The following POLG variants were observed in gnomAD, a reference collection of about 807,000 sequenced individuals.
The protein encoded by POLG is DNA polymerase subunit gamma-1.
In POLG, 110 loss-of-function variants were observed where a neutral mutation model predicts 155.4. The ratio of observed to expected loss-of-function variants is 0.71; its 90% CI spans 0.61 to 0.83. The LOEUF is 0.83. Ranked by LOEUF, POLG falls within the 40% of genes least tolerant of loss-of-function variation. The pLI is 0.00. For synonymous variants in POLG, 701 were observed against 631.5 expected (o/e 1.11, Z -1.65); for missense variants, 1,685 against 1,627.5 (o/e 1.04, Z -0.61).
chr15:89,320,938 T>C lies in POLG; in HGVS notation c.2809A>G (p.Thr937Ala). The C allele has an allele frequency of 1.9e-6, 3 of 1,613,790 alleles. No individual in the cohort carries two copies. The highest frequency in any genetic ancestry group is 2.5e-6 in the Non-Finnish European group (3 of 1,179,832). ...TGCTCACGGCTGATGCCCACAGTAG[T>C]GGCTGTCTTACTGTGTAGATCAGTG... is the stretch of plus-strand genomic sequence containing the variant. ...RGTDLHSKTA[T>A]TVGISREHAK... Residue 937 changes from threonine to alanine, a missense_variant, in exon 18 of 23, where the codon ACT becomes GCT. Physicochemically the swap from Thr to Ala is moderately conservative, Grantham distance 58. Coordinates refer to ENST00000268124, the MANE Select transcript of POLG (RefSeq NM_002693.3).
In POLG at chr15:89,320,889, C is replaced by T. The variant is rs1567186581; in HGVS notation, c.2858G>A (p.Arg953His). 3.1e-6 allele frequency: 5 copies of T among 1,613,918 alleles called. No individual in the cohort carries two copies. In the African/African-American group the frequency reaches 4.0e-5, roughly 13 times the overall value. ...AAAGGGCTGCCCAGCACCATAGATG[C>T]GGCCGTAGTTGAAGATTTTGGCATG... ...REHAKIFNYGRIYGAGQPFAE... is the reference protein window; with the variant it reads ...REHAKIFNYGHIYGAGQPFAE... The change falls in exon 18 of 23, where the codon CGC becomes CAC. Residue 953 changes from arginine to histidine, a missense_variant. This residue lies in a region of POLG where 470 missense variants were observed against 439.9 expected (regional missense o/e 1.07). Transcript: ENST00000268124.
Position 89,328,445 on chromosome 15 carries a change from C to T in POLG, c.1250+11G>A. 6.2e-7 allele frequency: 1 copy of T among 1,609,564 alleles called. No individual in the cohort carries two copies. Among genetic ancestry groups the T allele is most frequent in the East Asian group, 2.2e-5 (1 of 44,828 alleles). On this transcript the variant is annotated intron_variant, in intron 6 of 22. Transcript: ENST00000268124. ...TGACCCCCAGAGATTCCCACATGGGCTCCCCCTCACCTCTCCAAGAAGAGC... is the reference window on the plus strand; with the variant it reads ...TGACCCCCAGAGATTCCCACATGGGTTCCCCCTCACCTCTCCAAGAAGAGC...
At chr15:89,325,987 G>A (rs1596357322) in intron 9 of POLG, among the ~76,000 whole-genome samples, 1 of 152,126 alleles carries the variant, frequency 6.6e-6, no homozygotes, top group South Asian at 2.1e-4. Context: ...TTTCATCCAG[G>A]GTAACTGACC....
In POLG at chr15:89,325,298, G is replaced by A. The variant is rs2055498152; in HGVS notation, c.1949+152C>T. The stretch of plus-strand genomic sequence containing the variant: ...AGAGAGAGAGAAAGAGAGAGAGAGA[G>A]GGTGTGTGTGTGTGTGTTAATTTTT... On this transcript the variant is annotated intron_variant, in intron 10 of 22. Transcript: ENST00000268124. 1.4e-5 allele frequency: 8 copies of A among 560,210 alleles called. No homozygotes were observed. In the East Asian group the frequency reaches 2.2e-4, roughly 15 times the overall value. 34.7% of individuals were successfully genotyped at this position (560,210 alleles called of 1,614,324 possible).
In POLG at chr15:89,323,430, A is replaced by G; in HGVS notation, c.2239T>C (p.Cys747Arg). The G allele has an allele frequency of 2.5e-6, 4 of 1,613,288 alleles. No individual in the cohort carries two copies. Among genetic ancestry groups the G allele is most frequent in the Non-Finnish European group, 3.4e-6 (4 of 1,179,192 alleles). ...GPYNDVDIPG[C>R]WFFKLPHKDG... Reference sequence around the variant, plus strand: ...TTGTGAGGCAGCTTGAAAAACCAGCAGCCAGGGATGTCCACGTCGTTGTAA... The same window carrying G: ...TTGTGAGGCAGCTTGAAAAACCAGCGGCCAGGGATGTCCACGTCGTTGTAA... The change falls in exon 13 of 23, where the codon TGC becomes CGC. Residue 747 changes from cysteine (C) to arginine (R), a missense_variant. By Grantham distance (180) the Cys-to-Arg change is radical. Transcript: ENST00000268124.
In POLG at chr15:89,326,736, G is replaced by A. The variant is rs1024469208; in HGVS notation, c.1588C>T (p.Leu530Phe). The change falls in exon 9 of 23, where the codon CTC becomes TTC. Residue 530 changes from leucine to phenylalanine, a missense_variant and splice_region_variant. By Grantham distance (22) the Leu-to-Phe change is conservative. This residue lies in a region of POLG where 1,210 missense variants were observed against 1,167.1 expected (regional missense o/e 1.04). Transcript: ENST00000268124. Reference sequence around the variant, plus strand: ...TCCTCCTCCTCACTGCAGGGGCCGAGGTCTGTGAGGGTGGGGGAAGACAAT... The same window carrying A: ...TCCTCCTCCTCACTGCAGGGGCCGAAGTCTGTGAGGGTGGGGGAAGACAAT... ...APGDPMDQED[L>F]GPCSEEEEFQ... The A allele has an allele frequency of 1.9e-6, 3 of 1,614,008 alleles. No homozygotes were observed. Among genetic ancestry groups the A allele is most frequent in the African/African-American group, 1.3e-5 (1 of 74,934 alleles).
chr15:89,325,715 C>CA, intron 9 of POLG, 29 bp from the exon 10 acceptor site: 1 of 1,523,186 alleles, frequency 6.6e-7, no homozygotes, highest in Admixed American at 1.7e-5. Context: ...ACAGCAGTGT[C>CA]ACGATGGTAA....
chr15:89,317,682 G>A, intron 21 of POLG, 146 bp from the exon 22 acceptor site: 1 of 788,210 alleles, frequency 1.3e-6, no homozygotes, highest in Admixed American at 1.9e-5. Flanking sequence ...CAAGAAAGGT[G>A]AAGGTCCAGC....
chr15:89,319,176 T>TG, intron 19 of POLG, 52 bp downstream of exon 19: 1 of 1,614,210 alleles, frequency 6.2e-7, no homozygotes, highest in East Asian at 2.2e-5. Flanking sequence ...CAAGCTCTTC[T>TG]GGGGCAAGCC....
rs1387574012 is a variant in POLG, at chr15:89,329,013, C to T, written c.953G>A (p.Gly318Asp). ...TGTGGGGGGCTGGACCTTGTGTTTG[C>T]CCTGCTTGGCTGCTATCCACAGACT... ...QRSLWIAAKQ[G>D]KHKVQPPTKQ... Residue 318 changes from glycine to aspartate, a missense_variant, in exon 4 of 23, where the codon GGC (glycine) becomes GAC (aspartate). Around this residue, in one of 3 missense-constraint regions of POLG, gnomAD observed 1,210 missense variants for 1,167.1 expected, o/e 1.04. Transcript: ENST00000268124. 6.2e-7 allele frequency: 1 copy of T among 1,613,356 alleles called. No homozygotes were observed. Among genetic ancestry groups the T allele is most frequent in the African/African-American group, 1.3e-5 (1 of 74,926 alleles).
rs146584956 is a variant in POLG at position 89,317,455 on chromosome 15, G to A, written c.3564C>T (p.Cys1188=). 4.7e-5 allele frequency: 76 copies of A among 1,613,818 alleles called. No individual in the cohort carries two copies. The Middle Eastern group carries it at 8.2e-4, about 17-fold the overall frequency. ...AATCCATGGTCACTTCCTTCCTGAGGCACCGGTCAATATCGACTGCACTGA... is the reference window on the plus strand; with the variant it reads ...AATCCATGGTCACTTCCTTCCTGAGACACCGGTCAATATCGACTGCACTGA... The part of the protein sequence containing the change: ...AFFSAVDIDR[C]LRKEVTMDCK... The change falls in exon 22 of 23, where the codon TGC becomes TGT. Residue 1188 remains cysteine, a synonymous_variant. Coordinates refer to ENST00000268124, the MANE Select transcript of POLG (RefSeq NM_002693.3).
At chr15:89,319,126 C>CT (rs776594830) in intron 19 of POLG, 27 bp from the exon 20 acceptor site, 1 of 1,614,220 alleles carries the variant, frequency 6.2e-7, no homozygotes, top group East Asian at 2.2e-5. Flanking sequence ...AGAGGGCAGA[C>CT]TTTGTCTTTC....
chr15:89,325,107 A>AGTGAGTGAGTGAGTGAGTGAGT (rs10637324), intron 10 of POLG, among the ~76,000 whole-genome samples: 1 of 36,620 alleles, frequency 2.7e-5, no homozygotes, highest in African/African-American at 2.3e-4. Context: ...TGAGAGAGTG[A>AGTGAGTGAGTGAGTGAGTGAGT]GAGAGAGTGA....
chr15:89,318,395 T>A, intron 21 of POLG, 146 bp downstream of exon 21: 1 of 671,302 alleles, frequency 1.5e-6, no homozygotes, highest in Non-Finnish European at 2.5e-6. Context: ...TACAACTTTT[T>A]AAAAATTAGA....
intron 1 of POLG, chr15:89,334,244 A>G (rs192906022): frequency 9.9e-4 from 188 of 189,306 alleles, no homozygotes; most frequent in African/African-American, 3.8e-3. Flanking sequence ...CTGATATCCT[A>G]TTCTGTAAAA....
intron 6 of POLG, 99 bp from the exon 7 acceptor site, chr15:89,327,448 A>G (rs966773641): frequency 5.0e-5 from 53 of 1,069,996 alleles, no homozygotes; most frequent in Non-Finnish European, 6.8e-5. Flanking sequence ...AGCCACTGAC[A>G]TGGCACAGCT....
intron 18 of POLG, 144 bp from the exon 19 acceptor site, chr15:89,319,494 G>T: frequency 1.8e-6 from 2 of 1,137,034 alleles, no homozygotes; most frequent in African/African-American, 1.5e-5. Context: ...TTCAGAGGAA[G>T]AAACGGCTCA....
Position 89,320,968 on chromosome 15 carries a change from T to G in POLG, c.2779A>C (p.Arg927=), listed in dbSNP as rs765838297. The G allele has an allele frequency of 6.2e-7, 1 of 1,601,340 alleles. No homozygotes were observed. Among genetic ancestry groups the G allele is most frequent in the Non-Finnish European group, 8.5e-7 (1 of 1,173,864 alleles). The change falls in exon 18 of 23, where the codon AGG becomes CGG. Residue 927 remains arginine, a synonymous_variant. Coordinates refer to ENST00000268124, the MANE Select transcript of POLG (RefSeq NM_002693.3). ...GWMTLQGRKS[R]GTDLHSKTAT... ...GTCTTACTGTGTAGATCAGTGCCCC[T>G]GCTCTTCCTGCCCTGCAGTGTCATC...
rs780610267 is a variant in POLG, at chr15:89,333,160, C to G, written c.595G>C (p.Val199Leu). ...GTTCCCTCTGCCAAGCAGACCTCCACGTCGAACACCAGGGCCCGCTCCTCG... is the reference window on the plus strand; with the variant it reads ...GTTCCCTCTGCCAAGCAGACCTCCAGGTCGAACACCAGGGCCCGCTCCTCG... ...IPEERALVFD[V>L]EVCLAEGTCP... The change falls in exon 2 of 23, where the codon GTG (valine) becomes CTG (leucine). Residue 199 changes from valine to leucine, a missense_variant. By Grantham distance (32) the Val-to-Leu change is conservative. Transcript: ENST00000268124. The G allele has an allele frequency of 6.5e-7, 1 of 1,547,984 alleles. No homozygotes were observed. The highest frequency in any genetic ancestry group is 1.4e-5 in the African/African-American group (1 of 72,700).
Sources: allele counts gnomAD v4.1 joint callset (sites outside exome capture counted in the v4.1 genomes callset), GRCh38; gene constraint gnomAD v4.1.1; regional missense constraint gnomAD v4.1.1; transcripts MANE v1.5; gene names NCBI Gene and HGNC (gene_info 2026-07-23, HGNC 2026-07-21).